The following GRIN3A variants were observed in gnomAD, a reference collection of about 807,000 sequenced individuals.
GRIN3A encodes glutamate receptor ionotropic, NMDA 3A.
In GRIN3A, 47 loss-of-function variants were observed where a neutral mutation model predicts 92.4. The ratio of observed to expected loss-of-function variants is 0.51; its 90% CI spans 0.40 to 0.65. GRIN3A has a LOEUF of 0.65. Ranked by LOEUF, GRIN3A falls within the 30% of genes least tolerant of loss-of-function variation. The pLI is 0.00. For missense variants in GRIN3A, 1,324 were observed against 1,393.1 expected, an observed-to-expected ratio of 0.95 and a Z score of 0.79; for synonymous variants, 527 against 540.6, an observed-to-expected ratio of 0.97 and a Z score of 0.35.
chr9:101,641,540 A>G (rs1351312010), intron 3 of GRIN3A, among the ~76,000 whole-genome samples: 1 of 152,096 alleles, frequency 6.6e-6, no homozygotes, highest in Admixed American at 6.6e-5. Flanking sequence ...ACAAAAAACC[A>G]AACACTGCAT....
intron 8 of GRIN3A, among the ~76,000 whole-genome samples, chr9:101,575,105 A>G (rs562498005): frequency 3.3e-4 from 50 of 152,302 alleles, no homozygotes; most frequent in Middle Eastern, 3.4e-3. Context: ...CATAGCAAAG[A>G]CCAACTTATA....
At chr9:101,657,551 C>T (rs1000123845) in intron 3 of GRIN3A, among the ~76,000 whole-genome samples, 2 of 151,814 alleles carry the variant, frequency 1.3e-5, no homozygotes, top group Non-Finnish European at 2.9e-5. Context: ...AGTGGAGTAA[C>T]GATGAAGAGA....
At chr9:101,615,399 T>TC (rs1828431198) in intron 5 of GRIN3A, among the ~76,000 whole-genome samples, 1 of 148,570 alleles carries the variant, frequency 6.7e-6, no homozygotes, top group Admixed American at 6.7e-5. Context: ...TTTTTTTTTT[T>TC]TTTTTTTGAG....
chr9:101,590,971 T>C (rs1330167083), intron 6 of GRIN3A, among the ~76,000 whole-genome samples: 1 of 152,206 alleles, frequency 6.6e-6, no homozygotes, highest in Non-Finnish European at 1.5e-5. Flanking sequence ...CAAAGCTAAA[T>C]TGAATTTGCT....
intron 5 of GRIN3A, among the ~76,000 whole-genome samples, chr9:101,616,386 CTT>C (rs1385180396): frequency 6.6e-6 from 1 of 152,118 alleles, no homozygotes; most frequent in South Asian, 2.1e-4. Flanking sequence ...CATCCAAACT[CTT>C]TTGTTTTCAG....
intron 4 of GRIN3A, among the ~76,000 whole-genome samples, chr9:101,624,031 C>T (rs1828594965): frequency 6.6e-6 from 1 of 152,268 alleles, no homozygotes; most frequent in South Asian, 2.1e-4. Context: ...TCTTTGTTTT[C>T]AGCCACTTCC....
At chr9:101,600,998 A>G (rs1421447151) in intron 6 of GRIN3A, 2 of 152,254 alleles carry the variant, frequency 1.3e-5, no homozygotes, top group East Asian at 3.8e-4. Context: ...GATGGACAAC[A>G]AAACATGTCA....
At chr9:101,688,628 T>C (rs1334574705) in intron 1 of GRIN3A, among the ~76,000 whole-genome samples, 1 of 151,982 alleles carries the variant, frequency 6.6e-6, no homozygotes, top group Non-Finnish European at 1.5e-5. Context: ...CTTTTTAAAA[T>C]TAAAAAGGAT....
chr9:101,602,810 A>G (rs536028559), intron 6 of GRIN3A: 3 of 152,300 alleles, frequency 2.0e-5, no homozygotes, highest in African/African-American at 7.2e-5. Context: ...TATAGTAGCC[A>G]GAAAGCAACA....
intron 3 of GRIN3A, among the ~76,000 whole-genome samples, chr9:101,630,064 C>A (rs139036002): frequency 1.3e-5 from 2 of 152,202 alleles, no homozygotes; most frequent in South Asian, 2.1e-4. Context: ...GTATGGCTTG[C>A]GCAAGGCACA....
At chr9:101,595,090 TC>T (rs1828101566) in intron 6 of GRIN3A, 1 of 667,990 alleles carries the variant, frequency 1.5e-6, no homozygotes, top group Non-Finnish European at 2.5e-6. Context: ...GGGCGGCAGG[TC>T]AGAGAGGGAG....
chr9:101,573,522 CAG>C lies in GRIN3A; in HGVS notation c.3009-11_3009-10del, dbSNP rs775226150. ...GGGGTCCCACATTAGACCTAGGAAA[CAG>C]AGAAATTTTAGATTTACTTTCCATT... On this transcript the variant is annotated splice_polypyrimidine_tract_variant and intron_variant, in intron 8 of 8. Coordinates refer to ENST00000361820, the MANE Select transcript of GRIN3A (RefSeq NM_133445.3). 46 of 1,607,726 alleles carry C rather than the reference CAG, an allele frequency of 2.9e-5. No individual in the cohort carries two copies. The highest frequency in any genetic ancestry group is 8.0e-5 in the African/African-American group (6 of 74,770).
chr9:101,576,222 C>G (rs1451055803), intron 8 of GRIN3A, among the ~76,000 whole-genome samples: 1 of 152,172 alleles, frequency 6.6e-6, no homozygotes, highest in Non-Finnish European at 1.5e-5. Flanking sequence ...GTAAAATAGG[C>G]TTCCCTGGAG....
At chr9:101,654,265 T>C (rs1829053489) in intron 3 of GRIN3A, among the ~76,000 whole-genome samples, 1 of 142,308 alleles carries the variant, frequency 7.0e-6, no homozygotes, top group Admixed American at 7.3e-5. Context: ...CAAATTCTGC[T>C]CTGGTACATA....
In GRIN3A at chr9:101,738,531, TC is replaced by T; in HGVS notation, c.-553del. The T allele has an allele frequency of 6.3e-6, 1 of 159,958 alleles. No homozygotes were observed. The allele number at this position is 159,958 out of a possible 1,614,324, so 9.9% of individuals were successfully genotyped here. ...CACTGTTGGCCACCCTCCTGCAGGCTCCCCCAGCGCCGACTTCATTTTCTCT... is the reference window on the plus strand; with the variant it reads ...CACTGTTGGCCACCCTCCTGCAGGCTCCCCAGCGCCGACTTCATTTTCTCT... On this transcript the variant is annotated 5_prime_UTR_variant, in exon 1 of 9. An upstream open reading frame in the 5' UTR loses its in-frame stop. Transcript: ENST00000361820.
chr9:101,670,412 C>G lies in GRIN3A; in HGVS notation c.2000G>C (p.Gly667Ala). The change falls in exon 3 of 9, where the codon GGA becomes GCA. Residue 667 changes from glycine to alanine, a missense_variant. Transcript: ENST00000361820. Reference sequence around the variant, plus strand: ...CCAGTGGAGTGGCCACATGAAGGCTCCAATGGGAGCTGCTGTATCTCGGGT... The same window carrying G: ...CCAGTGGAGTGGCCACATGAAGGCTGCAATGGGAGCTGCTGTATCTCGGGT... Reference protein sequence around the residue: ...VRTRDTAAPIGAFMWPLHWTM... With the variant: ...VRTRDTAAPIAAFMWPLHWTM... 1 of 1,614,024 alleles carries G rather than the reference C, an allele frequency of 6.2e-7. No individual in the cohort carries two copies. Among genetic ancestry groups the G allele is most frequent in the South Asian group, 1.1e-5 (1 of 91,084 alleles).
intron 6 of GRIN3A, 73 bp downstream of exon 6, chr9:101,613,303 G>A: frequency 6.8e-7 from 1 of 1,469,112 alleles, no homozygotes; most frequent in Non-Finnish European, 9.5e-7. Flanking sequence ...TGAGGCACAA[G>A]TAATAGCATT....
intron 6 of GRIN3A, among the ~76,000 whole-genome samples, chr9:101,606,906 A>ATTTT (rs536780165): frequency 0.017 from 1,444 of 85,954 alleles, 22 homozygotes; most frequent in Middle Eastern, 0.031. Context: ...AAAAAATTAC[A>ATTTT]TTTTTTTTTT....
Position 101,737,465 on chromosome 9 carries a change from G to A in GRIN3A, c.515C>T (p.Pro172Leu). The change falls in exon 1 of 9, where the codon CCA (proline) becomes CTA (leucine). Residue 172 changes from proline (P) to leucine (L), a missense_variant. By Grantham distance (98) the Pro-to-Leu change is moderately conservative. Coordinates refer to ENST00000361820, the MANE Select transcript of GRIN3A (RefSeq NM_133445.3). ...GAAGGAGAAAGGGTCACTGCTCCAT[G>A]GCGAACTAGGGGAGGAGAAGGGCAA... Reference protein sequence around the residue: ...PLLPFSSPSSPWSSDPFSFLQ... With the variant: ...PLLPFSSPSSLWSSDPFSFLQ... 1 of 1,614,264 alleles carries A rather than the reference G, an allele frequency of 6.2e-7. No homozygotes were observed. The highest frequency in any genetic ancestry group is 8.5e-7 in the Non-Finnish European group (1 of 1,180,040).
Sources: gnomAD v4.1 joint callset for allele counts (sites outside exome capture counted in the v4.1 genomes callset) on GRCh38, gnomAD v4.1.1 for gene constraint, MANE v1.5 for transcripts, NCBI Gene and HGNC (gene_info 2026-07-23, HGNC 2026-07-21) for gene names.